The following SMCHD1 variants were observed in gnomAD, a reference collection of about 807,000 sequenced individuals.
SMCHD1 encodes structural maintenance of chromosomes flexible hinge domain-containing protein 1.
In SMCHD1, 78 loss-of-function variants were observed where a neutral mutation model predicts 254.7. That is an observed-to-expected ratio of 0.31 (90% CI 0.26 to 0.37). The LOEUF (loss-of-function observed/expected upper bound fraction) is 0.37. SMCHD1 is among the 10% of genes least tolerant of loss of function. The probability of loss-of-function intolerance (pLI) is 1.00; values close to 1 mark genes in which losing one functional copy is unlikely to be tolerated. For synonymous variants in SMCHD1, 766 were observed against 794.9 expected (o/e 0.96, Z 0.61); for missense variants, 1,840 against 2,408.1 (o/e 0.76, Z 4.94).
chr18:2,656,068 T>C lies in SMCHD1; in HGVS notation c.-8T>C. 7.2e-7 allele frequency: 1 copy of C among 1,383,190 alleles called. No individual in the cohort carries two copies. 85.7% of individuals were successfully genotyped at this position (1,383,190 alleles called of 1,614,324 possible). Reference sequence around the variant, plus strand: ...CAGGCGTCGCTGTCTTTTCTCCTTTTCCCCAATATGGCAGCGGCGGACGGC... The same window carrying C: ...CAGGCGTCGCTGTCTTTTCTCCTTTCCCCCAATATGGCAGCGGCGGACGGC... On this transcript the variant is annotated 5_prime_UTR_variant, in exon 1 of 48. Coordinates refer to ENST00000320876, the MANE Select transcript of SMCHD1 (RefSeq NM_015295.3).
intron 29 of SMCHD1, among the ~76,000 whole-genome samples, chr18:2,747,255 C>A (rs1403535431): frequency 2.0e-5 from 3 of 152,090 alleles, no homozygotes; most frequent in African/African-American, 7.2e-5. Flanking sequence ...CTTTTGGTAT[C>A]CACTGGGGTC....
intron 9 of SMCHD1, 143 bp from the exon 10 acceptor site, chr18:2,697,688 T>G (rs1294801769): frequency 1.6e-6 from 1 of 618,266 alleles, no homozygotes; most frequent in Non-Finnish European, 2.8e-6. Flanking sequence ...TTAACTCATA[T>G]GTAAATATAT....
rs375081758 is a variant in SMCHD1, at chr18:2,772,350, G to A, written c.5153G>A (p.Gly1718Asp). The A allele has an allele frequency of 1.6e-5, 25 of 1,575,952 alleles. No homozygotes were observed. The highest frequency in any genetic ancestry group is 5.7e-5 in the Admixed American group (3 of 52,290). ...TGTACTCTTCCAAACTATACTAAAG[G>A]CAGTGGAGATGTTTTGGGAAAGGTT... Reference protein sequence around the residue: ...RSCTLPNYTKGSGDVLGKIAH... With the variant: ...RSCTLPNYTKDSGDVLGKIAH... Residue 1718 changes from glycine (G) to aspartate (D), a missense_variant, in exon 41 of 48, where the codon GGC (glycine) becomes GAC (aspartate). Physicochemically the swap from Gly to Asp is moderately conservative, Grantham distance 94 (BLOSUM62 -1). Coordinates refer to ENST00000320876, the MANE Select transcript of SMCHD1 (RefSeq NM_015295.3).
intron 4 of SMCHD1, 113 bp from the exon 5 acceptor site, chr18:2,673,902 C>T: frequency 9.8e-7 from 1 of 1,019,848 alleles, no homozygotes; most frequent in East Asian, 2.8e-5. Context: ...ATTTGCACTT[C>T]CATCAGTAAT....
chr18:2,763,919 T>C, intron 37 of SMCHD1, 130 bp downstream of exon 37: 1 of 837,376 alleles, frequency 1.2e-6, no homozygotes, highest in Non-Finnish European at 1.8e-6. Context: ...GGAAGTCAGC[T>C]GAAATATTTT....
intron 17 of SMCHD1, among the ~76,000 whole-genome samples, chr18:2,711,729 G>A (rs566333651): frequency 0.027 from 4,098 of 151,984 alleles, 78 homozygotes; most frequent in Non-Finnish European, 0.038. Context: ...TGATCCGCCC[G>A]CCTCGGCCTC....
At chr18:2,709,978 G>A (rs185141539) in intron 17 of SMCHD1, among the ~76,000 whole-genome samples, 2 of 152,282 alleles carry the variant, frequency 1.3e-5, no homozygotes, top group East Asian at 3.9e-4. Context: ...ACTAAATTCA[G>A]TGTTACGAAG....
At chr18:2,746,405 AAGGT>A (rs2075453811) in intron 29 of SMCHD1, among the ~76,000 whole-genome samples, 5 of 152,208 alleles carry the variant, frequency 3.3e-5, no homozygotes, top group Admixed American at 3.3e-4. Context: ...CTGTCCTTTA[AAGGT>A]AGTTTGGGTA....
chr18:2,724,359 G>A (rs534782991), intron 20 of SMCHD1, among the ~76,000 whole-genome samples: 1 of 151,524 alleles, frequency 6.6e-6, no homozygotes, highest in Admixed American at 6.6e-5. Flanking sequence ...TCAGCTTTAG[G>A]AACCATATTA....
At chr18:2,704,588 G>T (rs1228120065) in intron 13 of SMCHD1, among the ~76,000 whole-genome samples, 3 of 149,712 alleles carry the variant, frequency 2.0e-5, no homozygotes, top group African/African-American at 7.4e-5. Context: ...AGGTTAGAAG[G>T]AGAGAAGAGG....
intron 29 of SMCHD1, among the ~76,000 whole-genome samples, chr18:2,745,387 G>T (rs2075433625): frequency 6.6e-6 from 1 of 152,170 alleles, no homozygotes; most frequent in Non-Finnish European, 1.5e-5. Flanking sequence ...TAGTAAAGGG[G>T]CAGGTCATCT....
rs568325069 is a variant in SMCHD1 at position 2,707,831 on chromosome 18, A to G, written c.2171A>G (p.Asn724Ser). 3 of 1,607,694 alleles carry G rather than the reference A, an allele frequency of 1.9e-6. No individual in the cohort carries two copies. The highest frequency in any genetic ancestry group is 2.5e-6 in the Non-Finnish European group (3 of 1,177,298). Residue 724 changes from asparagine (N) to serine (S), a missense_variant, in exon 17 of 48, where the codon AAT becomes AGT. By Grantham distance (46) the Asn-to-Ser change is conservative. This residue lies in a region of SMCHD1 where 498 missense variants were observed against 743.5 expected (regional missense o/e 0.67). Transcript: ENST00000320876. ...GGTGCGTTAAGAATTGAAATACTGA[A>G]TAAAAAAGGGGAAGCAATGCAAAAG... ...PIGALRIEIL[N>S]KKGEAMQKLP...
chr18:2,703,741 G>C lies in SMCHD1; in HGVS notation c.1697G>C (p.Cys566Ser), dbSNP rs199849786. ...DREFALWLKD[C>S]HEKYDKQIKF... Reference sequence around the variant, plus strand: ...GAATTTGCTTTGTGGCTGAAGGACTGTCATGAGAAGTATGATAAACAAATA... The same window carrying C: ...GAATTTGCTTTGTGGCTGAAGGACTCTCATGAGAAGTATGATAAACAAATA... Residue 566 changes from cysteine (C) to serine (S), a missense_variant, in exon 13 of 48, where the codon TGT (cysteine) becomes TCT (serine). By Grantham distance (112) the Cys-to-Ser change is moderately radical (BLOSUM62 -1). This residue lies in a region of SMCHD1 where 498 missense variants were observed against 743.5 expected (regional missense o/e 0.67). Coordinates refer to ENST00000320876, the MANE Select transcript of SMCHD1 (RefSeq NM_015295.3). 6.2e-7 allele frequency: 1 copy of C among 1,612,172 alleles called. No individual in the cohort carries two copies. The highest frequency in any genetic ancestry group is 8.5e-7 in the Non-Finnish European group (1 of 1,179,120).
intron 34 of SMCHD1, among the ~76,000 whole-genome samples, chr18:2,755,782 T>A (rs1027483213): frequency 6.6e-6 from 1 of 151,638 alleles, no homozygotes; most frequent in African/African-American, 2.4e-5. Context: ...TTAGCCAGGA[T>A]GATCTCGATC....
chr18:2,742,041 T>C (rs2075359741), intron 28 of SMCHD1, among the ~76,000 whole-genome samples: 1 of 152,212 alleles, frequency 6.6e-6, no homozygotes, highest in African/African-American at 2.4e-5. Context: ...ACTCTGATCA[T>C]GTTTTTCTGC....
At chr18:2,720,441 A>T (rs1351350122) in intron 19 of SMCHD1, among the ~76,000 whole-genome samples, 1 of 152,122 alleles carries the variant, frequency 6.6e-6, no homozygotes, top group Non-Finnish European at 1.5e-5. Flanking sequence ...CCTGATTCAT[A>T]GTTTGTTTCC....
intron 3 of SMCHD1, among the ~76,000 whole-genome samples, chr18:2,671,674 C>T (rs1319516422): frequency 6.7e-6 from 1 of 149,658 alleles, no homozygotes; most frequent in African/African-American, 2.5e-5. Flanking sequence ...CGGCTCACTG[C>T]AAGCTCCGCC....
intron 28 of SMCHD1, among the ~76,000 whole-genome samples, chr18:2,741,796 C>T (rs1050119131): frequency 6.6e-6 from 1 of 152,158 alleles, no homozygotes. Context: ...AAATTATAAC[C>T]TGTCTTCCTA....
rs1386412645 is a variant in SMCHD1, at chr18:2,763,780, T to C, written c.4710T>C (p.Ala1570=). The change falls in exon 37 of 48, where the codon GCT becomes GCC. Residue 1570 remains alanine, a synonymous_variant. Transcript: ENST00000320876. ...AATTCCCCTTCGTGAATGGTTCGGC[T>C]GAAATCATGGTAAATTTTTTATATC... ...TLEFPFVNGS[A]EIMSLVLAES... 1.9e-6 allele frequency: 3 copies of C among 1,605,616 alleles called. No individual in the cohort carries two copies.
Sources: allele counts gnomAD v4.1 joint callset (sites outside exome capture counted in the v4.1 genomes callset), GRCh38; gene constraint gnomAD v4.1.1; regional missense constraint gnomAD v4.1.1; transcripts MANE v1.5; gene names NCBI Gene and HGNC (gene_info 2026-07-23, HGNC 2026-07-21).